Variants in NEK10 observed in about 807,000 individuals in gnomAD.
NEK10 encodes serine/threonine-protein kinase Nek10.
NEK10 carries 122 observed loss-of-function variants against 159.8 expected under a neutral mutation model. The ratio of observed to expected loss-of-function variants is 0.76; its 90% confidence interval spans 0.66 to 0.89. The LOEUF (loss-of-function observed/expected upper bound fraction) is 0.89, where lower values mean the gene tolerates loss of function less well. Ranked by LOEUF, NEK10 falls within the 40% of genes least tolerant of loss-of-function variation. The pLI, the probability that NEK10 is intolerant of heterozygous loss-of-function variation, is 0.00. For missense variants in NEK10, 1,342 were observed against 1,323.1 expected, an observed-to-expected ratio of 1.01 and a Z score of -0.22; for synonymous variants, 466 against 457.1, an observed-to-expected ratio of 1.02 and a Z score of -0.25.
At chr3:27,132,504 A>G (rs1467363757) in intron 31 of NEK10, among the ~76,000 whole-genome samples, 2 of 152,186 alleles carry the variant, frequency 1.3e-5, no homozygotes, top group African/African-American at 4.8e-5. Context: ...AGATTTAGGT[A>G]CCAATCATTC....
At chr3:27,246,073 A>C (rs1475630613) in intron 23 of NEK10, among the ~76,000 whole-genome samples, 1 of 152,248 alleles carries the variant, frequency 6.6e-6, no homozygotes, top group Non-Finnish European at 1.5e-5. Context: ...CTGAATTTCC[A>C]ATTGATAAAA....
chr3:27,314,158 C>T, intron 7 of NEK10, 139 bp downstream of exon 7: 1 of 671,606 alleles, frequency 1.5e-6, no homozygotes, highest in South Asian at 1.7e-5. Flanking sequence ...CTCACACTCA[C>T]ACTTAACGCT....
At chr3:27,162,620 G>A (rs1559535362) in intron 30 of NEK10, 81 bp downstream of exon 30, 2 of 1,614,042 alleles carry the variant, frequency 1.2e-6, no homozygotes, top group East Asian at 2.2e-5. Flanking sequence ...ATAAAAGGGG[G>A]AAAGATATGA....
At chr3:27,166,936 G>A (rs1005689083) in intron 29 of NEK10, among the ~76,000 whole-genome samples, 3 of 152,002 alleles carry the variant, frequency 2.0e-5, no homozygotes, top group Admixed American at 6.6e-5. Context: ...CTCCAGCCTG[G>A]GTGAAAGAGC....
At position 27,256,334 on chromosome 3, in the gene NEK10, A is replaced by C; in HGVS notation, c.2052T>G (p.Ser684Arg). 1 of 1,574,240 alleles carries C rather than the reference A, an allele frequency of 6.4e-7. No individual in the cohort carries two copies. Among genetic ancestry groups the C allele is most frequent in the Middle Eastern group, 1.7e-4 (1 of 5,948 alleles). ...FGLAKQKQEN[S>R]KLTSVVGTIL... ...TTGTTCCAACCACAGAGGTGAGTTTACTGTTTTCTTGTTTTTGCTTTGCCA... is the reference window on the plus strand; with the variant it reads ...TTGTTCCAACCACAGAGGTGAGTTTCCTGTTTTCTTGTTTTTGCTTTGCCA... The change falls in exon 23 of 36, where the codon AGT becomes AGG. Residue 684 changes from serine (S) to arginine (R), a missense_variant. Ser to Arg is a moderately radical substitution (Grantham distance 110, BLOSUM62 -1). Coordinates refer to ENST00000691995, the MANE Select transcript of NEK10 (RefSeq NM_001394966.1).
intron 26 of NEK10, among the ~76,000 whole-genome samples, chr3:27,190,627 T>A (rs550732405): frequency 6.6e-6 from 1 of 152,278 alleles, no homozygotes; most frequent in South Asian, 2.1e-4. Flanking sequence ...GCCACATGAA[T>A]CTAATATGAA....
At chr3:27,233,661 G>A (rs1953568346) in intron 23 of NEK10, among the ~76,000 whole-genome samples, 1 of 151,764 alleles carries the variant, frequency 6.6e-6, no homozygotes, top group Non-Finnish European at 1.5e-5. Context: ...CAACCAACAA[G>A]TGGATAAAGA....
At chr3:27,361,460 C>T (rs185465986) in intron 1 of NEK10, among the ~76,000 whole-genome samples, 24 of 152,276 alleles carry the variant, frequency 1.6e-4, no homozygotes, top group African/African-American at 5.8e-4. Flanking sequence ...TAAAGTAGCA[C>T]ACTAAATTTC....
intron 23 of NEK10, among the ~76,000 whole-genome samples, chr3:27,246,683 C>G (rs979102265): frequency 1.3e-5 from 2 of 152,032 alleles, no homozygotes; most frequent in African/African-American, 2.4e-5. Context: ...TCACCCCAAT[C>G]CCCCCAACCC....
At chr3:27,269,292 G>C (rs2041147678) in intron 22 of NEK10, among the ~76,000 whole-genome samples, 1 of 152,214 alleles carries the variant, frequency 6.6e-6, no homozygotes, top group Non-Finnish European at 1.5e-5. Context: ...AAGCTTTACT[G>C]TGGGTAAAAT....
rs767976480 is a variant in NEK10 at position 27,311,002 on chromosome 3, G to A, written c.583C>T (p.Leu195Phe). Reference protein sequence around the residue: ...LVNMTYIFQKLAAVKDQREWV... With the variant: ...LVNMTYIFQKFAAVKDQREWV... ...TCTCTTTGATCTTTGACTGCAGCAA[G>A]TTTTTGAAAAATATCTATAAAGGAA... The change falls in exon 9 of 36, where the codon CTT (leucine) becomes TTT (phenylalanine). Residue 195 changes from leucine to phenylalanine, a missense_variant. By Grantham distance (22) the Leu-to-Phe change is conservative (BLOSUM62 0). Transcript: ENST00000691995. 1 of 1,610,454 alleles carries A rather than the reference G, an allele frequency of 6.2e-7. No homozygotes were observed. The highest frequency in any genetic ancestry group is 8.5e-7 in the Non-Finnish European group (1 of 1,176,862).
chr3:27,169,238 A>G (rs966491045), intron 29 of NEK10, among the ~76,000 whole-genome samples: 5 of 152,230 alleles, frequency 3.3e-5, no homozygotes, highest in African/African-American at 9.6e-5. Flanking sequence ...TTAGCAATAG[A>G]AAGTCAGTAA....
chr3:27,208,325 G>T (rs1950701000), intron 23 of NEK10, among the ~76,000 whole-genome samples: 1 of 152,206 alleles, frequency 6.6e-6, no homozygotes, highest in Non-Finnish European at 1.5e-5. Context: ...AATCATGAAT[G>T]TAGAGAGATC....
Position 27,115,929 on chromosome 3 carries a change from C to G in NEK10, c.3299+11G>C. On this transcript the variant is annotated intron_variant, in intron 35 of 35. Transcript: ENST00000691995. ...CATCTTTCACAATTGAAGGCAAACT[C>G]TAGCTCTTACCTGTTAGATGTAAAA... The G allele has an allele frequency of 1.2e-6, 2 of 1,601,708 alleles. No homozygotes were observed. Among genetic ancestry groups the G allele is most frequent in the Middle Eastern group, 1.8e-4 (1 of 5,510 alleles).
At chr3:27,276,776 C>A (rs1265097476) in intron 22 of NEK10, among the ~76,000 whole-genome samples, 2 of 152,050 alleles carry the variant, frequency 1.3e-5, no homozygotes, top group Non-Finnish European at 2.9e-5. Context: ...TGAATTGAGC[C>A]CCTTTTTCAC....
chr3:27,212,869 C>T (rs13061056), intron 23 of NEK10, among the ~76,000 whole-genome samples: 35,721 of 152,036 alleles, frequency 0.23, 4,540 homozygotes, highest in Middle Eastern at 0.38. Flanking sequence ...GAGTGTGAGA[C>T]GGAGGCAGGA....
Position 27,174,808 on chromosome 3 carries a change from C to T in NEK10, c.2531G>A (p.Ser844Asn), listed in dbSNP as rs368554285. ...GCTGGCTGCTCCACTGCTGCTGCTA[C>T]TCAAACTTGCCTTCTCAAAGGTCTC... ...SHETFEKASL[S>N]SSSSGAASLK... The change falls in exon 27 of 36, where the codon AGT becomes AAT. Residue 844 changes from serine to asparagine, a missense_variant. Transcript: ENST00000691995. 6.3e-7 allele frequency: 1 copy of T among 1,599,108 alleles called. No individual in the cohort carries two copies. Among genetic ancestry groups the T allele is most frequent in the Non-Finnish European group, 8.5e-7 (1 of 1,175,110 alleles).
chr3:27,163,353 A>C (rs1419622567), intron 29 of NEK10, among the ~76,000 whole-genome samples: 1 of 148,600 alleles, frequency 6.7e-6, no homozygotes, highest in Non-Finnish European at 1.5e-5. Flanking sequence ...CCTAGAACCA[A>C]TTTTTCTTTT....
Position 27,290,720 on chromosome 3 carries a change from A to G in NEK10, c.1640T>C (p.Met547Thr). ...RKHSGQNLLA[M>T]KEVNLHNPAF... ...TGGGTTATGTAAATTGACCTCTTTC[A>G]TTGCTAAAAGATTTTGACCACTATG... Residue 547 changes from methionine to threonine, a missense_variant, in exon 19 of 36, where the codon ATG (methionine) becomes ACG (threonine). Met to Thr is a moderately conservative substitution (Grantham distance 81). Coordinates refer to ENST00000691995, the MANE Select transcript of NEK10 (RefSeq NM_001394966.1). 1.9e-6 allele frequency: 3 copies of G among 1,609,454 alleles called. No individual in the cohort carries two copies. Among genetic ancestry groups the G allele is most frequent in the Non-Finnish European group, 2.5e-6 (3 of 1,176,982 alleles).
Sources: gnomAD v4.1 joint callset for allele counts (sites outside exome capture counted in the v4.1 genomes callset) on GRCh38, gnomAD v4.1.1 for gene constraint, MANE v1.5 for transcripts, NCBI Gene and HGNC (gene_info 2026-07-23, HGNC 2026-07-21) for gene names.